Variants in KMT2E observed in about 807,000 individuals in gnomAD.
The protein encoded by KMT2E is histone reader KMT2E.
KMT2E carries 30 observed loss-of-function variants against 184.6 expected under a neutral mutation model. That is an observed-to-expected ratio of 0.16 (90% CI 0.12 to 0.22). The LOEUF is 0.22. KMT2E is among the 10% of genes least tolerant of loss of function. The pLI is 1.00. For synonymous variants in KMT2E, 815 were observed against 776.5 expected (o/e 1.05, Z -0.82); for missense variants, 2,023 against 2,237.4 (o/e 0.90, Z 1.93).
At chr7:105,068,624 GTT>G (rs77819480) in intron 6 of KMT2E, among the ~76,000 whole-genome samples, 4 of 112,268 alleles carry the variant, frequency 3.6e-5, no homozygotes, top group East Asian at 3.2e-4. Context: ...ACTAGTTGTG[GTT>G]TTTTTTTTTT....
intron 3 of KMT2E, among the ~76,000 whole-genome samples, chr7:105,043,300 G>A (rs1795959885): frequency 6.7e-6 from 1 of 149,366 alleles, no homozygotes; most frequent in South Asian, 2.1e-4. Context: ...GCAGTGGCGG[G>A]ATCTCGGCTC....
In KMT2E at chr7:105,097,496, C is replaced by T. The variant is rs374779890; in HGVS notation, c.1723-3929C>T. Among the ~76,000 whole-genome samples, 3 of 152,164 alleles carry T rather than the reference C, an allele frequency of 2.0e-5. No individual in the cohort carries two copies. In the South Asian group the frequency reaches 6.2e-4, roughly 31 times the overall value. On this transcript the variant is annotated intron_variant, in intron 15 of 26. Coordinates refer to ENST00000311117, the MANE Select transcript of KMT2E (RefSeq NM_182931.3). Reference sequence around the variant, plus strand: ...TGCCTCCCGGGTTCAAGTGATTCTCCTGCCTCAGCCTCCCAAGTAGCTGGG... The same window carrying T: ...TGCCTCCCGGGTTCAAGTGATTCTCTTGCCTCAGCCTCCCAAGTAGCTGGG...
At chr7:105,057,928 C>G (rs1473236075) in intron 3 of KMT2E, among the ~76,000 whole-genome samples, 2 of 152,166 alleles carry the variant, frequency 1.3e-5, no homozygotes, top group Non-Finnish European at 2.9e-5. Context: ...TCTCAAAAAT[C>G]TTTTTGTGAT....
intron 9 of KMT2E, among the ~76,000 whole-genome samples, chr7:105,076,573 C>T (rs1014659400): frequency 6.6e-6 from 1 of 152,232 alleles, no homozygotes; most frequent in Non-Finnish European, 1.5e-5. Flanking sequence ...TGTATGTCCT[C>T]ACTTTTTTAG....
intron 3 of KMT2E, among the ~76,000 whole-genome samples, chr7:105,042,391 C>CA (rs1795920992): frequency 6.6e-6 from 1 of 152,120 alleles, no homozygotes; most frequent in African/African-American, 2.4e-5. Context: ...GTAATACATA[C>CA]AGAGCTCATT....
At chr7:105,063,000 C>CT (rs11336645) in intron 4 of KMT2E, among the ~76,000 whole-genome samples, 3,176 of 140,298 alleles carry the variant, frequency 0.023, 62 homozygotes, top group African/African-American at 0.053. Context: ...TTTTCTTTTT[C>CT]TTTTTTTTTT....
Position 105,062,244 on chromosome 7 carries a change from A to G in KMT2E, c.152A>G (p.His51Arg). ...YPHQLYTSSS[H>R]HSHSYIGLPY... ...CACCAGTTATATACCAGCAGCTCACATCATTCACACAGTTACATTGGTTTG... is the reference window on the plus strand; with the variant it reads ...CACCAGTTATATACCAGCAGCTCACGTCATTCACACAGTTACATTGGTTTG... The change falls in exon 4 of 27, where the codon CAT (histidine) becomes CGT (arginine). Residue 51 changes from histidine (H) to arginine (R), a missense_variant. This residue lies in a region of KMT2E where 63 missense variants were observed against 68.9 expected (regional missense o/e 0.91). Transcript: ENST00000311117. The G allele has an allele frequency of 6.2e-7, 1 of 1,613,518 alleles. No individual in the cohort carries two copies. Among genetic ancestry groups the G allele is most frequent in the East Asian group, 2.2e-5 (1 of 44,838 alleles).
At chr7:105,089,799 C>G (rs1426614134) in intron 13 of KMT2E, among the ~76,000 whole-genome samples, 1 of 152,020 alleles carries the variant, frequency 6.6e-6, no homozygotes. Flanking sequence ...GGCCTAATAT[C>G]TGGTCAGAAA....
intron 5 of KMT2E, chr7:105,064,132 A>C: frequency 7.1e-6 from 2 of 282,004 alleles, no homozygotes; most frequent in Non-Finnish European, 1.4e-5. Context: ...ATTGGGACAG[A>C]AAGTGGGGTT....
At position 105,101,699 on chromosome 7, in the gene KMT2E, T is replaced by C. The variant is rs181856770; in HGVS notation, c.1887+110T>C. The C allele has an allele frequency of 7.6e-6, 8 of 1,052,358 alleles. No individual in the cohort carries two copies. In the African/African-American group the frequency reaches 8.4e-5, roughly 11 times the overall value. The allele number at this position is 1,052,358 out of a possible 1,614,324, so 65.2% of individuals were successfully genotyped here. ...AAAATAATGTCTATTAGCTTTTTAA[T>C]AGCATTTTTCAGATCCTATGGGAGT... On this transcript the variant is annotated intron_variant, in intron 16 of 26. Transcript: ENST00000311117.
chr7:105,106,910 A>G, intron 20 of KMT2E, 138 bp downstream of exon 20: 1 of 870,232 alleles, frequency 1.1e-6, no homozygotes, highest in East Asian at 2.6e-5. Flanking sequence ...AATCAGAAAA[A>G]TTCATTTATA....
rs763450733 is a variant in KMT2E, at chr7:105,112,016, C to G, written c.4260C>G (p.His1420Gln). Residue 1420 changes from histidine (H) to glutamine (Q), a missense_variant, in exon 27 of 27, where the codon CAC (histidine) becomes CAG (glutamine). His to Gln is a conservative substitution (Grantham distance 24). Transcript: ENST00000311117. ...ALSKNHPPQT[H>Q]VRNSSEQLSQ... ...CAAAGAATCATCCTCCTCAGACACA[C>G]GTTCGTAATTCATCTGAGCAACTTT... The G allele has an allele frequency of 1.2e-6, 2 of 1,614,060 alleles. No individual in the cohort carries two copies. The highest frequency in any genetic ancestry group is 2.2e-5 in the East Asian group (1 of 44,900).
chr7:105,093,769 T>C (rs1328887974), intron 15 of KMT2E, among the ~76,000 whole-genome samples: 1 of 152,198 alleles, frequency 6.6e-6, no homozygotes, highest in Non-Finnish European at 1.5e-5. Context: ...TTACTTGGAA[T>C]CCATTTTTGG....
At position 105,109,346 on chromosome 7, in the gene KMT2E, G is replaced by C. The variant is rs906741430; in HGVS notation, c.3755+118G>C. On this transcript the variant is annotated intron_variant, in intron 23 of 26. Transcript: ENST00000311117. Reference sequence around the variant, plus strand: ...GTGCTTCGTGGTCACAATTTTAAAAGATTCTCTCTGCTAATAGGATTTTAA... The same window carrying C: ...GTGCTTCGTGGTCACAATTTTAAAACATTCTCTCTGCTAATAGGATTTTAA... 5.0e-6 allele frequency: 5 copies of C among 1,003,618 alleles called. No homozygotes were observed. In the East Asian group the frequency reaches 1.1e-4, roughly 21 times the overall value. 62.2% of individuals were successfully genotyped at this position (1,003,618 alleles called of 1,614,324 possible).
chr7:105,073,399 G>GAAA (rs35148101), intron 6 of KMT2E, among the ~76,000 whole-genome samples: 5 of 112,438 alleles, frequency 4.4e-5, no homozygotes, highest in Admixed American at 8.9e-5. Flanking sequence ...CCTGTCTGGG[G>GAAA]AAAAAAAAAA....
chr7:105,040,679 GATC>G (rs1795841907), intron 2 of KMT2E, among the ~76,000 whole-genome samples, 157 bp from the exon 3 acceptor site: 2 of 151,998 alleles, frequency 1.3e-5, no homozygotes, highest in Admixed American at 6.5e-5. Flanking sequence ...CTTTTCTTTT[GATC>G]ATGATCACAT....
At position 105,066,715 on chromosome 7, in the gene KMT2E, T is replaced by C. The variant is rs372665308; in HGVS notation, c.417-12T>C. The C allele has an allele frequency of 2.2e-5, 35 of 1,603,918 alleles. No homozygotes were observed. The highest frequency in any genetic ancestry group is 3.0e-5 in the Non-Finnish European group (35 of 1,172,776). On this transcript the variant is annotated splice_polypyrimidine_tract_variant and intron_variant, in intron 5 of 26. Coordinates refer to ENST00000311117, the MANE Select transcript of KMT2E (RefSeq NM_182931.3). ...AATAATATTACATATGTTCTGCTTT[T>C]TTTTTTTTAAGCGTTTGGCAACATA...
chr7:105,090,564 A>C (rs1209588475), intron 14 of KMT2E, among the ~76,000 whole-genome samples: 1 of 152,200 alleles, frequency 6.6e-6, no homozygotes, highest in Non-Finnish European at 1.5e-5. Context: ...GTTCATAATA[A>C]ATGTTCTTAT....
At position 105,110,557 on chromosome 7, in the gene KMT2E, T is replaced by A; in HGVS notation, c.3925T>A (p.Leu1309Met). The change falls in exon 25 of 27, where the codon TTG becomes ATG. Residue 1309 changes from leucine (L) to methionine (M), a missense_variant. Leu to Met is a conservative substitution (Grantham distance 15). Around this residue, in one of 8 missense-constraint regions of KMT2E, gnomAD observed 1,108 missense variants for 1,050.9 expected, o/e 1.05. Coordinates refer to ENST00000311117, the MANE Select transcript of KMT2E (RefSeq NM_182931.3). ...ATCTCATTCAAATCACATACCCCAGTTGCAAGCTAAGGGCCCAGTCCCTTC... is the reference window on the plus strand; with the variant it reads ...ATCTCATTCAAATCACATACCCCAGATGCAAGCTAAGGGCCCAGTCCCTTC... The part of the protein sequence containing the change: ...PSSHSNHIPQ[L>M]QAKGPVPSFS... 6.2e-7 allele frequency: 1 copy of A among 1,614,182 alleles called. No homozygotes were observed. Among genetic ancestry groups the A allele is most frequent in the Non-Finnish European group, 8.5e-7 (1 of 1,179,998 alleles).
Sources: allele counts gnomAD v4.1 joint callset (sites outside exome capture counted in the v4.1 genomes callset), GRCh38; gene constraint gnomAD v4.1.1; regional missense constraint gnomAD v4.1.1; transcripts MANE v1.5; gene names NCBI Gene and HGNC (gene_info 2026-07-23, HGNC 2026-07-21).